Variants in NVL observed in about 807,000 individuals in gnomAD.
The protein encoded by NVL is nuclear VCP like.
NVL carries 84 observed loss-of-function variants against 110.2 expected under a neutral mutation model. The observed-to-expected ratio is 0.76, with a 90% CI of 0.64 to 0.91. The LOEUF (loss-of-function observed/expected upper bound fraction) is 0.91, where lower values mean the gene tolerates loss of function less well. Among genes scored for constraint, NVL ranks in the 40% least tolerant of loss-of-function variants. The pLI is 0.00. For synonymous variants in NVL, 354 were observed against 361.1 expected (o/e 0.98, Z 0.22); for missense variants, 882 against 1,035.9 (o/e 0.85, Z 2.04).
chr1:224,313,424 A>G (rs558401075), intron 4 of NVL, among the ~76,000 whole-genome samples: 1 of 152,262 alleles, frequency 6.6e-6, no homozygotes, highest in Non-Finnish European at 1.5e-5. Flanking sequence ...GCATATCAGC[A>G]TAAAACAAAA....
chr1:224,325,759 G>A (rs1303369714), intron 2 of NVL, among the ~76,000 whole-genome samples: 3 of 152,162 alleles, frequency 2.0e-5, no homozygotes, highest in Non-Finnish European at 4.4e-5. Flanking sequence ...AGGAAACTCA[G>A]GGAGATCATA....
At chr1:224,316,588 A>G (rs1175032255) in intron 4 of NVL, among the ~76,000 whole-genome samples, 6 of 150,202 alleles carry the variant, frequency 4.0e-5, no homozygotes, top group Admixed American at 1.3e-4. Context: ...AGAAGAATCA[A>G]GTAACCTGGG....
At chr1:224,307,225 T>C (rs1257454099) in intron 6 of NVL, among the ~76,000 whole-genome samples, 4 of 152,300 alleles carry the variant, frequency 2.6e-5, no homozygotes, top group Middle Eastern at 3.4e-3. Flanking sequence ...TAAATTTTCA[T>C]GGGAAACACC....
At chr1:224,329,540 A>G (rs886147392) in intron 1 of NVL, among the ~76,000 whole-genome samples, 1 of 152,220 alleles carries the variant, frequency 6.6e-6, no homozygotes, top group East Asian at 1.9e-4. Flanking sequence ...CTGCTTGCTT[A>G]CATTCTGAGG....
chr1:224,243,594 T>C (rs1661454433), intron 19 of NVL, among the ~76,000 whole-genome samples: 1 of 151,846 alleles, frequency 6.6e-6, no homozygotes, highest in Non-Finnish European at 1.5e-5. Flanking sequence ...AAAATGAAAA[T>C]ACTACATGGA....
chr1:224,313,502 G>A (rs115110868), intron 4 of NVL, among the ~76,000 whole-genome samples: 1,667 of 152,058 alleles, frequency 0.011, 8 homozygotes, highest in Non-Finnish European at 0.016. Context: ...TGGTGCAAGC[G>A]AAAATTAAAA....
rs147141947 is a variant in NVL, at chr1:224,303,165, T to C, written c.960+558A>G. 976 of 165,176 alleles carry C rather than the reference T, an allele frequency of 5.9e-3. 2 individuals carry two copies. The highest frequency in any genetic ancestry group is 9.7e-3 in the Non-Finnish European group (724 of 74,660). 10.2% of individuals were successfully genotyped at this position (165,176 alleles called of 1,614,324 possible). A position where few individuals can be genotyped will look rare whatever the true frequency, so the allele number is the denominator to read the frequency against. ...ACCGTATTATTATGGCCGGGTGCGA[T>C]GACTCACACCTGTAATCCTAGCACT... On this transcript the variant is annotated intron_variant, in intron 9 of 22. Coordinates refer to ENST00000281701, the MANE Select transcript of NVL (RefSeq NM_002533.4).
intron 4 of NVL, among the ~76,000 whole-genome samples, chr1:224,317,462 A>T (rs2102766591): frequency 6.6e-6 from 1 of 152,240 alleles, no homozygotes; most frequent in South Asian, 2.1e-4. Context: ...GCTGTGTGGG[A>T]GTTTGTGAAA....
At chr1:224,329,761 A>G (rs1285187230) in intron 1 of NVL, among the ~76,000 whole-genome samples, 2 of 152,168 alleles carry the variant, frequency 1.3e-5, no homozygotes, top group Non-Finnish European at 2.9e-5. Context: ...TTCACAAGCC[A>G]AAGAGGTTAA....
intron 15 of NVL, among the ~76,000 whole-genome samples, chr1:224,281,456 A>C (rs1479102180): frequency 5.3e-5 from 8 of 151,280 alleles, no homozygotes; most frequent in Admixed American, 5.3e-4. Flanking sequence ...GCCCGCCACC[A>C]CGCCCGGCTA....
intron 18 of NVL, 120 bp from the exon 19 acceptor site, chr1:224,250,438 C>T: frequency 1.1e-6 from 1 of 878,542 alleles, no homozygotes; most frequent in Non-Finnish European, 1.6e-6. Context: ...GATCTCAGCT[C>T]ACTGCAGCCT....
chr1:224,310,669 CT>C lies in NVL; in HGVS notation c.342+1130del, dbSNP rs1187656106. On this transcript the variant is annotated intron_variant, in intron 5 of 22. Transcript: ENST00000281701. ...CTTCCGAAGTCTCTTATTCTATTCC[CT>C]GTCCTTCCTTTCTCCCTCCCTTTAG... Among the ~76,000 whole-genome samples, 13 of 152,178 alleles carry C rather than the reference CT, an allele frequency of 8.5e-5. No homozygotes were observed. In the East Asian group the frequency reaches 2.5e-3, roughly 29 times the overall value.
intron 5 of NVL, 70 bp from the exon 6 acceptor site, chr1:224,308,333 A>ATAG (rs1669140460): frequency 7.3e-7 from 1 of 1,375,018 alleles, no homozygotes; most frequent in East Asian, 2.3e-5. Context: ...TGTATTGCCT[A>ATAG]TAGTAATAAG....
chr1:224,328,469 G>GAAA (rs34119387), intron 1 of NVL, among the ~76,000 whole-genome samples: 4 of 144,004 alleles, frequency 2.8e-5, no homozygotes, highest in Admixed American at 7.0e-5. Context: ...GCAGTGAGCA[G>GAAA]AAAAAAAAAA....
intron 11 of NVL, among the ~76,000 whole-genome samples, chr1:224,296,168 G>A (rs1667867226): frequency 6.6e-6 from 1 of 151,858 alleles, no homozygotes; most frequent in Non-Finnish European, 1.5e-5. Context: ...AGAAGAAGAA[G>A]CAACCTACAA....
At chr1:224,303,968 T>G in intron 8 of NVL, 111 bp from the exon 9 acceptor site, 1 of 1,172,344 alleles carries the variant, frequency 8.5e-7, no homozygotes, top group Non-Finnish European at 1.1e-6. Flanking sequence ...AATATACACC[T>G]TAGACTTAGA....
rs774683945 is a variant in NVL at position 224,281,277 on chromosome 1, C to CTGTGTGTGTGTGTG, written c.1900-93_1900-92insCACACACACACACA. Reference sequence around the variant, plus strand: ...GATGATGTGTGACAATGAAAGGACTCTGTGTGCGTGTGTGTGTGTGTGTGT... The same window carrying CTGTGTGTGTGTGTG: ...GATGATGTGTGACAATGAAAGGACTCTGTGTGTGTGTGTGTGTGTGCGTGTGTGTGTGTGTGTGT... On this transcript the variant is annotated intron_variant, in intron 15 of 22. Coordinates refer to ENST00000281701, the MANE Select transcript of NVL (RefSeq NM_002533.4). 5.6e-4 allele frequency: 473 copies of CTGTGTGTGTGTGTG among 837,992 alleles called. 5 individuals carry two copies. Among genetic ancestry groups the CTGTGTGTGTGTGTG allele is most frequent in the Non-Finnish European group, 6.5e-4 (347 of 529,980 alleles). The allele number at this position is 837,992 out of a possible 1,614,324, so 51.9% of individuals were successfully genotyped here. A position where few individuals can be genotyped will look rare whatever the true frequency, so the allele number is the denominator to read the frequency against.
intron 19 of NVL, among the ~76,000 whole-genome samples, chr1:224,237,318 G>C (rs1025568432): frequency 2.0e-5 from 3 of 152,224 alleles, no homozygotes; most frequent in South Asian, 2.1e-4. Flanking sequence ...TAAAATAAAA[G>C]CACAAAGCAC....
intron 22 of NVL, among the ~76,000 whole-genome samples, 169 bp downstream of exon 22, chr1:224,231,057 C>T (rs931148627): frequency 4.0e-5 from 6 of 150,832 alleles, no homozygotes; most frequent in South Asian, 2.1e-4. Flanking sequence ...GGTGTGAACC[C>T]GGGAGGCAGA....
Sources: gnomAD v4.1 joint callset for allele counts (sites outside exome capture counted in the v4.1 genomes callset) on GRCh38, gnomAD v4.1.1 for gene constraint, MANE v1.5 for transcripts, NCBI Gene and HGNC (gene_info 2026-07-23, HGNC 2026-07-21) for gene names.